The following NDFIP1 variants were observed in gnomAD, a reference collection of about 807,000 sequenced individuals.
NDFIP1 encodes the protein Nedd4 family interacting protein 1.
A neutral mutation model predicts 28.8 loss-of-function variants in NDFIP1; 7 were observed. The ratio of observed to expected loss-of-function variants is 0.24; its 90% CI spans 0.14 to 0.46. The LOEUF (loss-of-function observed/expected upper bound fraction) is 0.46, where lower values mean the gene tolerates loss of function less well. Ranked by LOEUF, NDFIP1 falls within the 20% of genes least tolerant of loss-of-function variation. NDFIP1 has a pLI of 0.99. For synonymous variants in NDFIP1, 92 were observed against 101.0 expected (o/e 0.91, Z 0.53); for missense variants, 194 against 269.1 (o/e 0.72, Z 1.95).
chr5:142,113,450 A>C (rs917546768), intron 1 of NDFIP1, among the ~76,000 whole-genome samples: 3 of 152,214 alleles, frequency 2.0e-5, no homozygotes, highest in African/African-American at 7.2e-5. Flanking sequence ...TAAATGTCAA[A>C]GTTTCTTAAG....
intron 6 of NDFIP1, among the ~76,000 whole-genome samples, chr5:142,142,566 A>T (rs1213968782): frequency 1.4e-4 from 21 of 152,144 alleles, no homozygotes; most frequent in Non-Finnish European, 3.1e-4. Context: ...TTAAAGTTTC[A>T]TGGGAGGAGG....
Position 142,132,308 on chromosome 5 carries a change from A to G in NDFIP1, c.248A>G (p.Lys83Arg), listed in dbSNP as rs1281281266. 6.2e-7 allele frequency: 1 copy of G among 1,614,202 alleles called. No individual in the cohort carries two copies. The highest frequency in any genetic ancestry group is 1.7e-5 in the Admixed American group (1 of 60,026). ...AGTTATGATGAAGCGGAGAGGACCA[A>G]GGCTGAAGCTACTATCCCTTTGGTT... is the stretch of plus-strand genomic sequence containing the variant. ...LPSYDEAERT[K>R]AEATIPLVPG... Residue 83 changes from lysine to arginine, a missense_variant, in exon 3 of 8, where the codon AAG becomes AGG. Transcript: ENST00000253814.
chr5:142,131,996 G>A (rs2338820), intron 2 of NDFIP1, 101 bp downstream of exon 2: 130,404 of 1,231,862 alleles, frequency 0.11, 9,336 homozygotes, highest in East Asian at 0.36. Flanking sequence ...TTGGAAGAAA[G>A]GTTACAAAGC....
At chr5:142,145,037 A>G (rs542374842) in intron 7 of NDFIP1, among the ~76,000 whole-genome samples, 11 of 152,100 alleles carry the variant, frequency 7.2e-5, no homozygotes, top group East Asian at 5.8e-4. Flanking sequence ...TTCAGAAGGA[A>G]CCCTTCAGGC....
intron 1 of NDFIP1, among the ~76,000 whole-genome samples, chr5:142,128,923 T>G (rs11739961): frequency 0.67 from 102,536 of 151,924 alleles, 34,943 homozygotes; most frequent in African/African-American, 0.78. Flanking sequence ...TTTCCAAGTT[T>G]CCAGGAGACA....
At chr5:142,139,014 G>A (rs1317371280) in intron 5 of NDFIP1, among the ~76,000 whole-genome samples, 13 of 151,522 alleles carry the variant, frequency 8.6e-5, no homozygotes, top group Admixed American at 3.9e-4. Context: ...TCAGGAGATC[G>A]AGACCATCCT....
chr5:142,120,788 G>A (rs1225037348), intron 1 of NDFIP1, among the ~76,000 whole-genome samples: 1 of 152,332 alleles, frequency 6.6e-6, no homozygotes, highest in Admixed American at 6.5e-5. Context: ...AATACTTGTA[G>A]AATGAAACAT....
intron 1 of NDFIP1, among the ~76,000 whole-genome samples, chr5:142,114,409 G>T (rs1757045615): frequency 6.6e-6 from 1 of 152,034 alleles, no homozygotes; most frequent in Non-Finnish European, 1.5e-5. Context: ...TTTGAATTGA[G>T]TTTTTTGTTG....
At chr5:142,128,961 A>T (rs775517377) in intron 1 of NDFIP1, among the ~76,000 whole-genome samples, 2 of 152,188 alleles carry the variant, frequency 1.3e-5, no homozygotes, top group Non-Finnish European at 2.9e-5. Flanking sequence ...ATATTGTCAT[A>T]GAAGACCTCT....
intron 6 of NDFIP1, among the ~76,000 whole-genome samples, chr5:142,141,517 TTTTTCCTAGACA>T (rs1197197663): frequency 6.6e-6 from 1 of 152,108 alleles, no homozygotes; most frequent in African/African-American, 2.4e-5. Context: ...TTTAAATACT[TTTTTCCTAGACA>T]TTAAAACAAA....
intron 3 of NDFIP1, among the ~76,000 whole-genome samples, chr5:142,134,825 G>A (rs939712814): frequency 6.6e-6 from 1 of 152,150 alleles, no homozygotes; most frequent in Non-Finnish European, 1.5e-5. Context: ...GATCTTATCT[G>A]CTGATAAGGT....
chr5:142,141,458 G>A (rs1757331468), intron 6 of NDFIP1, among the ~76,000 whole-genome samples: 1 of 151,952 alleles, frequency 6.6e-6, no homozygotes, highest in South Asian at 2.1e-4. Flanking sequence ...TTACAGGCCT[G>A]AGCCACCATG....
At chr5:142,148,489 G>C (rs753666350) in intron 7 of NDFIP1, among the ~76,000 whole-genome samples, 1 of 152,088 alleles carries the variant, frequency 6.6e-6, no homozygotes, top group East Asian at 1.9e-4. Flanking sequence ...AGTGGCTCAC[G>C]CCTGTAATCC....
In NDFIP1 at chr5:142,153,090, T is replaced by C; in HGVS notation, c.*1362T>C. 1 of 337,422 alleles carries C rather than the reference T, an allele frequency of 3.0e-6. No individual in the cohort carries two copies. The highest frequency in any genetic ancestry group is 7.6e-5 in the East Asian group (1 of 13,230). The allele number at this position is 337,422 out of a possible 1,614,324, so 20.9% of individuals were successfully genotyped here. A position where few individuals can be genotyped will look rare whatever the true frequency, so the allele number is the denominator to read the frequency against. ...ATAATTTTAGATAATTTATTTCCAG[T>C]GTTTTCTGCATGTTCTCATTTGTTC... On this transcript the variant is annotated 3_prime_UTR_variant, in exon 8 of 8. Transcript: ENST00000253814.
chr5:142,122,155 T>A (rs527365181), intron 1 of NDFIP1, among the ~76,000 whole-genome samples: 1 of 152,238 alleles, frequency 6.6e-6, no homozygotes, highest in South Asian at 2.1e-4. Flanking sequence ...GAAACAGCAT[T>A]GCCAGCACTC....
intron 1 of NDFIP1, among the ~76,000 whole-genome samples, chr5:142,110,964 G>A (rs1319434414): frequency 6.6e-6 from 1 of 151,796 alleles, no homozygotes; most frequent in African/African-American, 2.4e-5. Flanking sequence ...AGGCTGCTAA[G>A]TAGTGATTAT....
intron 5 of NDFIP1, among the ~76,000 whole-genome samples, chr5:142,140,057 A>C (rs1437684493): frequency 6.6e-6 from 1 of 152,172 alleles, no homozygotes; most frequent in Non-Finnish European, 1.5e-5. Flanking sequence ...AAGGAAATAG[A>C]TTTGCATTTA....
chr5:142,124,585 A>G (rs552022642), intron 1 of NDFIP1, among the ~76,000 whole-genome samples: 1 of 152,338 alleles, frequency 6.6e-6, no homozygotes, highest in South Asian at 2.1e-4. Context: ...TAGCTTTGTG[A>G]GGGGATTTAC....
chr5:142,120,698 G>A (rs1015481772), intron 1 of NDFIP1, among the ~76,000 whole-genome samples: 1 of 152,222 alleles, frequency 6.6e-6, no homozygotes, highest in African/African-American at 2.4e-5. Flanking sequence ...CACCAGCCAT[G>A]TCACTGTTCT....
Sources: allele counts gnomAD v4.1 joint callset (sites outside exome capture counted in the v4.1 genomes callset), GRCh38; gene constraint gnomAD v4.1.1; transcripts MANE v1.5; gene names NCBI Gene and HGNC (gene_info 2026-07-23, HGNC 2026-07-21).